The following TAB2 variants were observed in gnomAD, a reference collection of about 807,000 sequenced individuals.
The protein encoded by TAB2 is TGF-beta activated kinase 1 (MAP3K7) binding protein 2.
Under a neutral mutation model 65.0 loss-of-function variants are expected in TAB2, and 3 were observed. The ratio of observed to expected loss-of-function variants is 0.05; its 90% CI spans 0.02 to 0.12. The LOEUF (loss-of-function observed/expected upper bound fraction) is 0.12, where lower values mean the gene tolerates loss of function less well. Among genes scored for constraint, TAB2 ranks in the 10% least tolerant of loss-of-function variants. TAB2 has a pLI of 1.00. For synonymous variants in TAB2, 298 were observed against 285.1 expected (o/e 1.05, Z -0.46); for missense variants, 623 against 840.3 (o/e 0.74, Z 3.20).
intron 1 of TAB2, among the ~76,000 whole-genome samples, chr6:149,344,222 G>C (rs933840421): frequency 6.6e-6 from 1 of 152,188 alleles, no homozygotes; most frequent in Non-Finnish European, 1.5e-5. Context: ...AATTACATAT[G>C]AATATCAAGT....
intron 1 of TAB2, among the ~76,000 whole-genome samples, chr6:149,310,413 T>C (rs1167690264): frequency 6.6e-6 from 1 of 152,220 alleles, no homozygotes; most frequent in African/African-American, 2.4e-5. Flanking sequence ...TATTCAAGTA[T>C]ATGTTATTTC....
chr6:149,317,814 TG>T lies in TAB2; in HGVS notation c.-289del. 1 of 148,462 alleles carries T rather than the reference TG, an allele frequency of 6.7e-6. No homozygotes were observed. Among genetic ancestry groups the T allele is most frequent in the South Asian group, 1.5e-4 (1 of 6,626 alleles). The allele number at this position is 148,462 out of a possible 1,614,324, so 9.2% of individuals were successfully genotyped here. On this transcript the variant is annotated 5_prime_UTR_variant, in exon 1 of 7. Transcript: ENST00000637181. The surrounding 1 kb of genome is among the most constrained non-coding windows in gnomAD (Gnocchi z 4.7). ...GGCGGCGGCGGCGGCCGGAGGGAGT[TG>T]GCGGCGGCGGGCGAGCGGAGGGGGC...
intron 6 of TAB2, among the ~76,000 whole-genome samples, chr6:149,401,908 A>G (rs1242334440): frequency 6.6e-6 from 1 of 152,084 alleles, no homozygotes; most frequent in African/African-American, 2.4e-5. Context: ...GTATCTTCAG[A>G]CAAAAAGGAA....
At chr6:149,275,360 C>T (rs535444229) in intron 1 of TAB2, among the ~76,000 whole-genome samples, 3 of 152,004 alleles carry the variant, frequency 2.0e-5, no homozygotes. Context: ...CACAGGCACT[C>T]GCCAACGAAA....
chr6:149,400,325 T>C, intron 6 of TAB2: 15 of 1,540,466 alleles, frequency 9.7e-6, no homozygotes, highest in Non-Finnish European at 1.2e-5. Flanking sequence ...GCTGCTCGTG[T>C]ACTCGTTAGG....
At chr6:149,225,477 G>A (rs1777249189) in intron 1 of TAB2, among the ~76,000 whole-genome samples, 2 of 152,126 alleles carry the variant, frequency 1.3e-5, no homozygotes. Flanking sequence ...AAGGTTTTTT[G>A]ACATGACCCA....
chr6:149,378,198 A>G lies in TAB2; in HGVS notation c.283A>G (p.Ser95Gly). Reference protein sequence around the residue: ...QNIYHHGREGSRMNGSRTLTH... With the variant: ...QNIYHHGREGGRMNGSRTLTH... ...CATTTACCACCATGGAAGAGAAGGA[A>G]GTAGGATGAATGGAAGTAGGACTCT... The change falls in exon 3 of 7, where the codon AGT (serine) becomes GGT (glycine). Residue 95 changes from serine (S) to glycine (G), a missense_variant. Ser to Gly is a moderately conservative substitution (Grantham distance 56). Coordinates refer to ENST00000637181, the MANE Select transcript of TAB2 (RefSeq NM_001292034.3). The G allele has an allele frequency of 1.2e-6, 2 of 1,614,214 alleles. No individual in the cohort carries two copies. Among genetic ancestry groups the G allele is most frequent in the Non-Finnish European group, 1.7e-6 (2 of 1,180,036 alleles).
intron 1 of TAB2, among the ~76,000 whole-genome samples, chr6:149,304,814 C>G (rs1004853807): frequency 3.3e-5 from 5 of 152,148 alleles, no homozygotes; most frequent in African/African-American, 1.2e-4. Flanking sequence ...AAGAATACCT[C>G]CACCTCCAGT....
At position 149,299,879 on chromosome 6, in the gene TAB2, G is replaced by C. The variant is rs116539279; in HGVS notation, c.-120-78139G>C. Among the ~76,000 whole-genome samples the C allele has an allele frequency of 4.8e-3, 731 of 151,100 alleles. 8 individuals carry two copies. Among genetic ancestry groups the C allele is most frequent in the African/African-American group, 0.017 (680 of 41,132 alleles). ...TTTAACTTAGCCGGCATGGCGGTTC[G>C]TACCTGTAGCCCCAGCTACTCTGGA... is the stretch of plus-strand genomic sequence containing the variant. On this transcript the variant is annotated intron_variant, in intron 1 of 1. Coordinates refer to the TAB2 transcript ENST00000606202.
At chr6:149,236,249 G>T (rs907493642) in intron 1 of TAB2, among the ~76,000 whole-genome samples, 1 of 152,098 alleles carries the variant, frequency 6.6e-6, no homozygotes, top group Non-Finnish European at 1.5e-5. Flanking sequence ...AAAATAAAAT[G>T]GTCCAGGAAT....
intron 6 of TAB2, among the ~76,000 whole-genome samples, chr6:149,399,974 A>G (rs1374428127): frequency 2.0e-5 from 3 of 152,272 alleles, no homozygotes; most frequent in African/African-American, 4.8e-5. Flanking sequence ...AACTTAAAAT[A>G]GAAGAGTATA....
chr6:149,254,093 G>GGAAA (rs1409436206), intron 1 of TAB2, among the ~76,000 whole-genome samples: 12 of 108,384 alleles, frequency 1.1e-4, no homozygotes, highest in African/African-American at 3.7e-4. Flanking sequence ...AAGGAAGGAA[G>GGAAA]GAAGGAAGGA....
chr6:149,377,974 C>T (rs553146624), intron 2 of TAB2, 44 bp from the exon 3 acceptor site: 34 of 1,481,456 alleles, frequency 2.3e-5, no homozygotes, highest in South Asian at 1.7e-4. Flanking sequence ...TATAAGCATT[C>T]GCTTCTGATT....
chr6:149,301,083 A>G (rs1778964687), intron 1 of TAB2, among the ~76,000 whole-genome samples: 1 of 152,248 alleles, frequency 6.6e-6, no homozygotes, highest in South Asian at 2.1e-4. Flanking sequence ...GAACTAGGCT[A>G]ACAGGCAGAG....
intron 1 of TAB2, among the ~76,000 whole-genome samples, chr6:149,366,726 C>T (rs1350533215): frequency 6.6e-6 from 1 of 152,082 alleles, no homozygotes; most frequent in African/African-American, 2.4e-5. Flanking sequence ...GTAGGCGTTA[C>T]TCAGCCATCA....
intron 1 of TAB2, among the ~76,000 whole-genome samples, chr6:149,360,278 A>G (rs1180397756): frequency 6.6e-6 from 1 of 152,214 alleles, no homozygotes; most frequent in Non-Finnish European, 1.5e-5. Flanking sequence ...TTTAGAAAGA[A>G]TAAGGGTTTA....
chr6:149,382,102 G>A (rs879713007), intron 3 of TAB2, among the ~76,000 whole-genome samples: 3 of 152,174 alleles, frequency 2.0e-5, no homozygotes, highest in South Asian at 4.1e-4. Flanking sequence ...TACAGGATGA[G>A]CAGCTTCTCC....
chr6:149,392,354 C>G (rs775064607), intron 3 of TAB2, among the ~76,000 whole-genome samples: 1 of 152,300 alleles, frequency 6.6e-6, no homozygotes, highest in Admixed American at 6.5e-5. Flanking sequence ...GTGGGCCAGG[C>G]TGGTCTTGAA....
At chr6:149,253,940 AAG>A (rs534253044) in intron 1 of TAB2, among the ~76,000 whole-genome samples, 8,730 of 72,310 alleles carry the variant, frequency 0.12, 314 homozygotes, top group Non-Finnish European at 0.17. Flanking sequence ...GAAAGAAAGA[AAG>A]AGAAAGAAAG....
Sources: gnomAD v4.1 joint callset for allele counts (sites outside exome capture counted in the v4.1 genomes callset) on GRCh38, gnomAD v4.1.1 for gene constraint, Gnocchi (gnomAD v3.1) non-coding constraint, MANE v1.5 for transcripts, NCBI Gene and HGNC (gene_info 2026-07-23, HGNC 2026-07-21) for gene names.